CACNA2D3: variants seen among roughly 807,000 people sequenced by gnomAD.
The protein encoded by CACNA2D3 is calcium voltage-gated channel auxiliary subunit alpha2delta 3, also known as voltage-dependent calcium channel subunit alpha-2/delta-3.
CACNA2D3 carries 60 observed loss-of-function variants against 160.6 expected under a neutral mutation model. The ratio of observed to expected loss-of-function variants is 0.37; its 90% CI spans 0.30 to 0.46. The LOEUF is 0.46. Ranked by LOEUF, CACNA2D3 falls within the 20% of genes least tolerant of loss-of-function variation. The pLI is 1.00. For synonymous variants in CACNA2D3, 558 were observed against 492.9 expected (o/e 1.13, Z -1.75); for missense variants, 1,205 against 1,365.0 (o/e 0.88, Z 1.85).
intron 3 of CACNA2D3, among the ~76,000 whole-genome samples, chr3:54,333,607 G>A (rs776443952): frequency 6.6e-6 from 1 of 152,058 alleles, no homozygotes; most frequent in Non-Finnish European, 1.5e-5. Flanking sequence ...ACAGCCCACC[G>A]AGAGTGAAGC....
intron 35 of CACNA2D3, among the ~76,000 whole-genome samples, chr3:55,030,692 G>A (rs1287584639): frequency 6.6e-6 from 1 of 152,092 alleles, no homozygotes; most frequent in African/African-American, 2.4e-5. Flanking sequence ...GCATTTTACT[G>A]GGGACAGGGT....
At chr3:54,143,733 T>C (rs1213540265) in intron 2 of CACNA2D3, among the ~76,000 whole-genome samples, 1 of 152,140 alleles carries the variant, frequency 6.6e-6, no homozygotes, top group African/African-American at 2.4e-5. Flanking sequence ...TGTTCTGATC[T>C]TGTGATCCAC....
intron 4 of CACNA2D3, among the ~76,000 whole-genome samples, chr3:54,438,886 G>T (rs1700099179): frequency 6.6e-6 from 1 of 152,126 alleles, no homozygotes; most frequent in African/African-American, 2.4e-5. Context: ...TTTTGTTTTA[G>T]TTTTCTGGTA....
intron 11 of CACNA2D3, among the ~76,000 whole-genome samples, chr3:54,684,892 G>A (rs517738): frequency 0.42 from 64,132 of 151,860 alleles, 15,059 homozygotes; most frequent in Non-Finnish European, 0.51. Context: ...CTACAAAGTC[G>A]CCTCCCTCTT....
intron 9 of CACNA2D3, among the ~76,000 whole-genome samples, chr3:54,598,307 C>CAAAAAAAAAAAAAAAAA (rs10656534): frequency 2.2e-4 from 11 of 49,818 alleles, no homozygotes; most frequent in Non-Finnish European, 3.4e-4. Flanking sequence ...CTCCGTCTCA[C>CAAAAAAAAAAAAAAAAA]AAAAAAAAAA....
chr3:54,763,675 ATGTATATATGTG>A (rs1231021696), intron 12 of CACNA2D3, among the ~76,000 whole-genome samples: 3 of 142,228 alleles, frequency 2.1e-5, no homozygotes, highest in Admixed American at 7.1e-5. Context: ...GTGTGTATAT[ATGTATATATGTG>A]TGTATATATG....
chr3:55,007,832 G>T lies in CACNA2D3; in HGVS notation c.2809G>T (p.Glu937Ter), dbSNP rs1418116779. The T allele has an allele frequency of 6.5e-7, 1 of 1,549,990 alleles. No individual in the cohort carries two copies. ...FLSAVKWIMTELVLFLVEFNL... is the reference protein window; with the variant it reads ...FLSAVKWIMT The stretch of plus-strand genomic sequence containing the variant: ...CTCTGCAGTAAAATGGATCATGACA[G>T]AACTTGTCTTGTAAGTAAAATCTGC... Residue 937 changes from glutamate to a stop codon, truncating the protein, a stop_gained, in exon 33 of 38, where the codon GAA (glutamate) becomes TAA (stop). Transcript: ENST00000474759. LOFTEE classifies it high-confidence loss of function.
intron 10 of CACNA2D3, chr3:54,638,072 CTGTTA>C (rs1376743903): frequency 6.6e-6 from 1 of 151,886 alleles, no homozygotes; most frequent in East Asian, 1.9e-4. Flanking sequence ...CAACTTTTTT[CTGTTA>C]TTTCACACCT....
At chr3:54,276,274 A>G (rs1276013772) in intron 2 of CACNA2D3, among the ~76,000 whole-genome samples, 1 of 152,184 alleles carries the variant, frequency 6.6e-6, no homozygotes, top group Non-Finnish European at 1.5e-5. Flanking sequence ...GTTTGATAAG[A>G]AAACGAAGAA....
At chr3:54,704,794 C>T (rs1016434502) in intron 11 of CACNA2D3, among the ~76,000 whole-genome samples, 1 of 152,040 alleles carries the variant, frequency 6.6e-6, no homozygotes, top group Non-Finnish European at 1.5e-5. Context: ...GATCCAAGTC[C>T]AGTTGTTCTT....
chr3:54,316,763 G>A (rs1454111486), intron 2 of CACNA2D3, among the ~76,000 whole-genome samples: 1 of 152,142 alleles, frequency 6.6e-6, no homozygotes, highest in Non-Finnish European at 1.5e-5. Flanking sequence ...GAAAAAAGTG[G>A]GATATAGGAA....
intron 14 of CACNA2D3, among the ~76,000 whole-genome samples, chr3:54,828,747 G>T (rs1703800062): frequency 6.6e-6 from 1 of 152,116 alleles, no homozygotes; most frequent in South Asian, 2.1e-4. Flanking sequence ...AGGGAAATCT[G>T]TTTACTTTTG....
intron 2 of CACNA2D3, among the ~76,000 whole-genome samples, chr3:54,257,414 G>C (rs1702317302): frequency 1.3e-5 from 2 of 152,178 alleles, no homozygotes; most frequent in Non-Finnish European, 2.9e-5. Context: ...ATTGGTTGCT[G>C]CATGTAGCGT....
chr3:54,996,182 T>C (rs1235128874), intron 31 of CACNA2D3, among the ~76,000 whole-genome samples: 1 of 152,268 alleles, frequency 6.6e-6, no homozygotes, highest in Non-Finnish European at 1.5e-5. Flanking sequence ...AATATGGACC[T>C]GGCTTCACGA....
rs1700222895 is a variant in CACNA2D3, at chr3:54,897,668, A to G, written c.2368+798A>G. Among the ~76,000 whole-genome samples, 5 of 152,184 alleles carry G rather than the reference A, an allele frequency of 3.3e-5. No individual in the cohort carries two copies. In the South Asian group the frequency reaches 1.0e-3, roughly 31 times the overall value. Reference sequence around the variant, plus strand: ...ACATATATCAGTTCCTTTCATATTAATCTTCTACAAATATTCCTAACTCAA... The same window carrying G: ...ACATATATCAGTTCCTTTCATATTAGTCTTCTACAAATATTCCTAACTCAA... On this transcript the variant is annotated intron_variant, in intron 26 of 37. Coordinates refer to ENST00000474759, the MANE Select transcript of CACNA2D3 (RefSeq NM_018398.3).
At chr3:54,294,362 G>A (rs1410908165) in intron 2 of CACNA2D3, among the ~76,000 whole-genome samples, 1 of 152,194 alleles carries the variant, frequency 6.6e-6, no homozygotes, top group Admixed American at 6.5e-5. Flanking sequence ...AACAGGTTCA[G>A]TTTAGGCCCC....
intron 11 of CACNA2D3, among the ~76,000 whole-genome samples, chr3:54,715,548 T>C (rs551467390): frequency 6.6e-6 from 1 of 152,124 alleles, no homozygotes; most frequent in African/African-American, 2.4e-5. Context: ...GCCTGAAATT[T>C]CCAGTCCTCT....
At chr3:55,073,983 CTG>C (rs1575463699) in intron 37 of CACNA2D3, 124 bp downstream of exon 37, 1 of 1,086,066 alleles carries the variant, frequency 9.2e-7, no homozygotes, top group East Asian at 2.4e-5. Flanking sequence ...ATTCAGTAAA[CTG>C]AATCTGCACC....
intron 4 of CACNA2D3, among the ~76,000 whole-genome samples, chr3:54,472,270 C>T (rs1444597934): frequency 2.0e-5 from 3 of 152,220 alleles, no homozygotes; most frequent in Non-Finnish European, 4.4e-5. Context: ...TGTAATCCAT[C>T]ACATAAACAG....
Sources: allele counts gnomAD v4.1 joint callset (sites outside exome capture counted in the v4.1 genomes callset), GRCh38; gene constraint gnomAD v4.1.1; transcripts MANE v1.5; gene names NCBI Gene and HGNC (gene_info 2026-07-23, HGNC 2026-07-21).